The following MSH3 variants were observed in gnomAD, a reference collection of about 807,000 sequenced individuals.
The protein encoded by MSH3 is DNA mismatch repair protein Msh3.
A neutral mutation model predicts 123.3 loss-of-function variants in MSH3; 106 were observed. That is an observed-to-expected ratio of 0.86 (90% CI 0.73 to 1.01). The LOEUF is 1.01. MSH3 is among the 50% of genes least tolerant of loss of function. MSH3 has a pLI of 0.00. For synonymous variants in MSH3, 515 were observed against 481.4 expected, an observed-to-expected ratio of 1.07 and a Z score of -0.91; for missense variants, 1,459 against 1,347.6, an observed-to-expected ratio of 1.08 and a Z score of -1.29.
chr5:80,821,644 T>A (rs1421648258), intron 20 of MSH3, among the ~76,000 whole-genome samples: 1 of 152,232 alleles, frequency 6.6e-6, no homozygotes, highest in Non-Finnish European at 1.5e-5. Flanking sequence ...GCTGTTAGTT[T>A]ATCAACCTTC....
At chr5:80,871,463 G>T (rs2112126695) in intron 22 of MSH3, among the ~76,000 whole-genome samples, 1 of 152,276 alleles carries the variant, frequency 6.6e-6, no homozygotes, top group East Asian at 1.9e-4. Flanking sequence ...TCCTCACAGG[G>T]CTACAGTCAG....
At chr5:80,844,114 G>A (rs1324334223) in intron 20 of MSH3, among the ~76,000 whole-genome samples, 1 of 151,928 alleles carries the variant, frequency 6.6e-6, no homozygotes, top group African/African-American at 2.4e-5. Context: ...GTTCTCATAG[G>A]TTTCAAAGAA....
intron 19 of MSH3, 108 bp from the exon 20 acceptor site, chr5:80,813,476 T>C: frequency 8.8e-7 from 1 of 1,140,640 alleles, no homozygotes; most frequent in Non-Finnish European, 1.3e-6. Flanking sequence ...GTGATATTTA[T>C]GCTACAAAGT....
intron 20 of MSH3, among the ~76,000 whole-genome samples, chr5:80,848,878 C>A (rs1745776611): frequency 6.6e-6 from 1 of 152,194 alleles, no homozygotes; most frequent in African/African-American, 2.4e-5. Context: ...TCCCAACAGT[C>A]CCCTGGGGTG....
chr5:80,863,185 C>T (rs1265890929), intron 21 of MSH3, among the ~76,000 whole-genome samples: 2 of 152,096 alleles, frequency 1.3e-5, no homozygotes, highest in African/African-American at 4.8e-5. Flanking sequence ...ATGGAATATT[C>T]CTGGTATCGA....
Position 80,655,889 on chromosome 5 carries a change from T to C in MSH3, c.238-522T>C, listed in dbSNP as rs6151600. 7.6e-3 allele frequency among the ~76,000 whole-genome samples: 1,163 copies of C among 152,332 alleles called. 3 individuals are homozygous for C. The highest frequency in any genetic ancestry group is 0.027 in the Middle Eastern group (8 of 294). ...TAAAGGGTAGCTGGTGAAGGACTTA[T>C]GTATGCTTTTGGCAAGTTTTCTGCC... is the stretch of plus-strand genomic sequence containing the variant. On this transcript the variant is annotated intron_variant, in intron 1 of 23. Coordinates refer to ENST00000265081, the MANE Select transcript of MSH3 (RefSeq NM_002439.5).
rs2112128690 is a variant in MSH3, at chr5:80,873,170, G to A, written c.3185G>A (p.Gly1062Glu). The change falls in exon 23 of 24, where the codon GGA becomes GAA. Residue 1062 changes from glycine to glutamate, a missense_variant. Coordinates refer to ENST00000265081, the MANE Select transcript of MSH3 (RefSeq NM_002439.5). ...FVTFLYQITR[G>E]IAARSYGLNV... is the part of the protein sequence containing the mutation. Reference sequence around the variant, plus strand: ...ACCTTCCTTTACCAAATAACTAGAGGAATTGCAGCAAGGAGTTATGGATTA... The same window carrying A: ...ACCTTCCTTTACCAAATAACTAGAGAAATTGCAGCAAGGAGTTATGGATTA... 6.2e-7 allele frequency: 1 copy of A among 1,613,836 alleles called. No individual in the cohort carries two copies. Among genetic ancestry groups the A allele is most frequent in the Non-Finnish European group, 8.5e-7 (1 of 1,179,814 alleles).
At chr5:80,735,402 A>G (rs1469064889) in intron 10 of MSH3, among the ~76,000 whole-genome samples, 3 of 150,996 alleles carry the variant, frequency 2.0e-5, no homozygotes, top group Non-Finnish European at 4.4e-5. Flanking sequence ...AAAAAAAAAA[A>G]AAGTTGAGCA....
At chr5:80,746,639 G>A (rs1743725876) in intron 12 of MSH3, 3 of 322,826 alleles carry the variant, frequency 9.3e-6, no homozygotes, top group Admixed American at 8.8e-5. Context: ...TTTTGTGGTG[G>A]GTACACCACC....
chr5:80,841,513 T>G (rs1745625008), intron 20 of MSH3, among the ~76,000 whole-genome samples: 1 of 152,238 alleles, frequency 6.6e-6, no homozygotes, highest in African/African-American at 2.4e-5. Context: ...TAGTTTACAC[T>G]CCCACCAACA....
intron 20 of MSH3, among the ~76,000 whole-genome samples, chr5:80,848,295 G>T (rs1561498001): frequency 6.6e-6 from 1 of 152,132 alleles, no homozygotes; most frequent in Non-Finnish European, 1.5e-5. Context: ...CACCCATACA[G>T]TAAATTTTTC....
At position 80,656,261 on chromosome 5, in the gene MSH3, T is replaced by C. The variant is rs1749280636; in HGVS notation, c.238-150T>C. On this transcript the variant is annotated intron_variant, in intron 1 of 23. Transcript: ENST00000265081. The stretch of plus-strand genomic sequence containing the variant: ...TATGGTGTTAAAAACAGTTCACCCA[T>C]AGGGTTTTCCAGAGCTAAAAGTAGA... The C allele has an allele frequency of 5.0e-6, 5 of 1,002,726 alleles. No individual in the cohort carries two copies. The East Asian group carries it at 1.0e-4, about 20-fold the overall frequency. 62.1% of individuals were successfully genotyped at this position (1,002,726 alleles called of 1,614,324 possible).
chr5:80,735,109 TGTG>T (rs1009424591), intron 10 of MSH3, among the ~76,000 whole-genome samples: 1 of 151,942 alleles, frequency 6.6e-6, no homozygotes, highest in Non-Finnish European at 1.5e-5. Context: ...ACCGGCCAGG[TGTG>T]GTGGCTTATG....
intron 6 of MSH3, among the ~76,000 whole-genome samples, chr5:80,674,310 A>G (rs151095169): frequency 1.4e-4 from 22 of 152,260 alleles, no homozygotes; most frequent in Non-Finnish European, 2.5e-4. Flanking sequence ...TTTTATACAC[A>G]CATACACAGA....
intron 19 of MSH3, among the ~76,000 whole-genome samples, chr5:80,808,308 C>T (rs1408057327): frequency 6.6e-6 from 1 of 152,118 alleles, no homozygotes; most frequent in African/African-American, 2.4e-5. Context: ...TTTGTCCTTT[C>T]TCATCCTAAT....
chr5:80,805,038 G>C lies in MSH3; in HGVS notation c.2656-8546G>C, dbSNP rs183125203. On this transcript the variant is annotated intron_variant, in intron 19 of 23. Transcript: ENST00000265081. ...ACTTACCTTGTAATGTTTGTTTTCTGATACATTGGGCCAAAAGACCCACAG... is the reference window on the plus strand; with the variant it reads ...ACTTACCTTGTAATGTTTGTTTTCTCATACATTGGGCCAAAAGACCCACAG... 2.6e-3 allele frequency among the ~76,000 whole-genome samples: 395 copies of C among 152,310 alleles called. 2 individuals are homozygous for C. Among genetic ancestry groups the C allele is most frequent in the African/African-American group, 9.1e-3 (379 of 41,556 alleles).
intron 20 of MSH3, among the ~76,000 whole-genome samples, chr5:80,818,895 T>C (rs1745152042): frequency 6.6e-6 from 1 of 152,222 alleles, no homozygotes; most frequent in Non-Finnish European, 1.5e-5. Context: ...GTTTTTTTGT[T>C]ATTGTTCTGG....
At chr5:80,875,693 A>G in intron 23 of MSH3, 58 bp from the exon 24 acceptor site, 2 of 975,034 alleles carry the variant, frequency 2.1e-6, no homozygotes, top group Non-Finnish European at 3.3e-6. Flanking sequence ...TTCTGATGAG[A>G]CGTATTGTCT....
intron 19 of MSH3, among the ~76,000 whole-genome samples, chr5:80,806,205 T>A (rs1195750006): frequency 6.6e-6 from 1 of 152,156 alleles, no homozygotes; most frequent in African/African-American, 2.4e-5. Context: ...TTCAAGTGAT[T>A]CTCCTGCCTC....
Sources: gnomAD v4.1 joint callset for allele counts (sites outside exome capture counted in the v4.1 genomes callset) on GRCh38, gnomAD v4.1.1 for gene constraint, MANE v1.5 for transcripts, NCBI Gene and HGNC (gene_info 2026-07-23, HGNC 2026-07-21) for gene names.